The following MINAR2 variants were observed in gnomAD, a reference collection of about 807,000 sequenced individuals.
MINAR2 encodes major intrinsically disordered NOTCH2-binding receptor 1-like.
In MINAR2, 21 loss-of-function variants were observed where a neutral mutation model predicts 16.1. That is an observed-to-expected ratio of 1.31 (90% confidence interval 0.93 to 1.88). The LOEUF is 1.88. Among genes scored for constraint, MINAR2 ranks in the 40% most tolerant of loss-of-function variants. The pLI, the probability that MINAR2 is intolerant of heterozygous loss-of-function variation, is 0.00. For synonymous variants in MINAR2, 86 were observed against 83.0 expected (o/e 1.04, Z -0.20); for missense variants, 259 against 229.8 (o/e 1.13, Z -0.82).
chr5:129,763,729 G>A (rs981424821), intron 2 of MINAR2, among the ~76,000 whole-genome samples: 3 of 152,116 alleles, frequency 2.0e-5, no homozygotes, highest in Non-Finnish European at 4.4e-5. Context: ...TAGTACTAGG[G>A]TAATGGGAGA....
intron 2 of MINAR2, among the ~76,000 whole-genome samples, chr5:129,764,070 C>G (rs1022749871): frequency 6.6e-6 from 1 of 152,018 alleles, no homozygotes; most frequent in African/African-American, 2.4e-5. Flanking sequence ...CAAAACATAG[C>G]AAGAGATGTA....
chr5:129,764,903 G>C lies in MINAR2; in HGVS notation c.413G>C (p.Arg138Pro). The change falls in exon 3 of 3, where the codon CGG becomes CCG. Residue 138 changes from arginine (R) to proline (P), a missense_variant. Physicochemically the swap from Arg to Pro is moderately radical, Grantham distance 103 (BLOSUM62 -2). Transcript: ENST00000564719. ...GHLKENPNDLRFWLGDMYTPG... is the reference protein window; with the variant it reads ...GHLKENPNDLPFWLGDMYTPG... ...TTTTAGGAAAATCCTAATGACCTGCGGTTTTGGTTGGGAGACATGTACACT... is the reference window on the plus strand; with the variant it reads ...TTTTAGGAAAATCCTAATGACCTGCCGTTTTGGTTGGGAGACATGTACACT... 12 of 1,325,104 alleles carry C rather than the reference G, an allele frequency of 9.1e-6. No homozygotes were observed. The highest frequency in any genetic ancestry group is 1.2e-5 in the Non-Finnish European group (12 of 1,036,776). The allele number at this position is 1,325,104 out of a possible 1,614,324, so 82.1% of individuals were successfully genotyped here.
At position 129,765,085 on chromosome 5, in the gene MINAR2, T is replaced by C; in HGVS notation, c.*22T>C. The C allele has an allele frequency of 8.0e-7, 1 of 1,246,082 alleles. No homozygotes were observed. The highest frequency in any genetic ancestry group is 1.0e-6 in the Non-Finnish European group (1 of 992,914). The allele number at this position is 1,246,082 out of a possible 1,614,324, so 77.2% of individuals were successfully genotyped here. On this transcript the variant is annotated 3_prime_UTR_variant, in exon 3 of 3. Coordinates refer to ENST00000564719, the MANE Select transcript of MINAR2 (RefSeq NM_001257308.2). ...CTGAGGAAACTGCAACAATCAGAGC[T>C]ACTTTAAATTTCCTAAAAATTTTTC...
Position 129,750,449 on chromosome 5 carries a change from A to T in MINAR2, c.165+2094A>T, listed in dbSNP as rs4574583. On this transcript the variant is annotated intron_variant, in intron 1 of 2. Transcript: ENST00000564719. ...CAATGGGAAGAACATGGAATAAAGA[A>T]GTTAGAAACTTGGTTTCTTATCTCA... Among the ~76,000 whole-genome samples, 2 of 152,012 alleles carry T rather than the reference A, an allele frequency of 1.3e-5. 1 individual carries two copies. The highest frequency in any genetic ancestry group is 4.1e-4 in the South Asian group (2 of 4,828).
Position 129,766,125 on chromosome 5 carries a change from A to G in MINAR2, c.*1062A>G, listed in dbSNP as rs575884565. The G allele has an allele frequency of 3.3e-5, 5 of 152,344 alleles. No individual in the cohort carries two copies. The highest frequency in any genetic ancestry group is 1.2e-4 in the African/African-American group (5 of 41,580). The allele number at this position is 152,344 out of a possible 1,614,324, so 9.4% of individuals were successfully genotyped here. ...GGTTGTAGACACAGATGGGGAATCA[A>G]GTCACCATCCTGCCCTTCCTTCTAG... On this transcript the variant is annotated 3_prime_UTR_variant, in exon 3 of 3. Transcript: ENST00000564719.
intron 2 of MINAR2, 86 bp from the exon 3 acceptor site, chr5:129,764,798 G>T: frequency 1.5e-6 from 1 of 687,594 alleles, no homozygotes; most frequent in South Asian, 6.3e-5. Flanking sequence ...CAGTCCCCAT[G>T]ACAGTGTCTT....
At chr5:129,762,251 G>A (rs1168151970) in intron 2 of MINAR2, among the ~76,000 whole-genome samples, 1 of 151,876 alleles carries the variant, frequency 6.6e-6, no homozygotes, top group Admixed American at 6.6e-5. Context: ...TAACCCTGAA[G>A]CTAAAATAAA....
chr5:129,758,372 T>G (rs1378479860), intron 1 of MINAR2, among the ~76,000 whole-genome samples: 1 of 152,038 alleles, frequency 6.6e-6, no homozygotes, highest in Non-Finnish European at 1.5e-5. Flanking sequence ...ATAATAAATT[T>G]ATACTATTAA....
intron 2 of MINAR2, among the ~76,000 whole-genome samples, chr5:129,761,897 G>A (rs946607471): frequency 6.6e-6 from 1 of 151,976 alleles, no homozygotes; most frequent in African/African-American, 2.4e-5. Context: ...CAAGATAAAG[G>A]AAGCTAACGG....
At chr5:129,758,097 G>T (rs1758078887) in intron 1 of MINAR2, among the ~76,000 whole-genome samples, 3 of 151,872 alleles carry the variant, frequency 2.0e-5, no homozygotes, top group Non-Finnish European at 4.4e-5. Context: ...AATGAATAAA[G>T]TTATGCTTAA....
At chr5:129,762,601 A>T (rs1758151453) in intron 2 of MINAR2, 1 of 328,928 alleles carries the variant, frequency 3.0e-6, no homozygotes, top group Non-Finnish European at 6.1e-6. Context: ...TGCCAGCAGC[A>T]GCACAATCAG....
At chr5:129,757,686 C>T (rs1416214661) in intron 1 of MINAR2, among the ~76,000 whole-genome samples, 4 of 151,860 alleles carry the variant, frequency 2.6e-5, no homozygotes, top group Admixed American at 2.6e-4. Flanking sequence ...AGTAATATCT[C>T]TATCTCCTCA....
chr5:129,751,773 T>C (rs1370566920), intron 1 of MINAR2, among the ~76,000 whole-genome samples: 2 of 152,216 alleles, frequency 1.3e-5, no homozygotes, highest in Non-Finnish European at 2.9e-5. Flanking sequence ...GGGATGTTTC[T>C]GATGAAGGCA....
chr5:129,755,167 T>C (rs1758039325), intron 1 of MINAR2, among the ~76,000 whole-genome samples: 1 of 152,108 alleles, frequency 6.6e-6, no homozygotes. Flanking sequence ...ACCATCCTGT[T>C]GGTATAACAT....
rs1561687211 is a variant in MINAR2 at position 129,766,669 on chromosome 5, C to CAAACA, written c.*1609_*1610insCAAAA. The CAAACA allele has an allele frequency of 1.7e-5, 2 of 118,368 alleles. No homozygotes were observed. The highest frequency in any genetic ancestry group is 7.6e-5 in the African/African-American group (2 of 26,472). The allele number at this position is 118,368 out of a possible 1,614,324, so 7.3% of individuals were successfully genotyped here. A position where few individuals can be genotyped will look rare whatever the true frequency, so the allele number is the denominator to read the frequency against. On this transcript the variant is annotated 3_prime_UTR_variant, in exon 3 of 3. Coordinates refer to ENST00000564719, the MANE Select transcript of MINAR2 (RefSeq NM_001257308.2). ...AAAAAAAAAAAAACAAACAAACAAA[C>CAAACA]AAAAAAAACCCCAAAAAAAGAGACA...
In MINAR2 at chr5:129,766,653, AAAACAAACAAACAAAC is replaced by A. The variant is rs1228069828; in HGVS notation, c.*1594_*1609del. ...CTTCCATAAAAAAAAAAAAAAAAAA[AAAACAAACAAACAAAC>A]AAAAAAAACCCCAAAAAAAGAGACA... On this transcript the variant is annotated 3_prime_UTR_variant, in exon 3 of 3. Transcript: ENST00000564719. 1.6e-5 allele frequency: 2 copies of A among 124,952 alleles called. No individual in the cohort carries two copies. The highest frequency in any genetic ancestry group is 6.7e-5 in the African/African-American group (2 of 29,642). 7.7% of individuals were successfully genotyped at this position (124,952 alleles called of 1,614,324 possible).
In MINAR2 at chr5:129,765,343, A is replaced by G. The variant is rs957272027; in HGVS notation, c.*280A>G. Reference sequence around the variant, plus strand: ...AATCACAGAATAGTCACTATATGCAACCCACATTAAATATCTTTATAGGGA... The same window carrying G: ...AATCACAGAATAGTCACTATATGCAGCCCACATTAAATATCTTTATAGGGA... On this transcript the variant is annotated 3_prime_UTR_variant, in exon 3 of 3. Coordinates refer to ENST00000564719, the MANE Select transcript of MINAR2 (RefSeq NM_001257308.2). 1 of 292,554 alleles carries G rather than the reference A, an allele frequency of 3.4e-6. No individual in the cohort carries two copies. 18.1% of individuals were successfully genotyped at this position (292,554 alleles called of 1,614,324 possible).
At chr5:129,753,799 GAGAA>G (rs1370664315) in intron 1 of MINAR2, among the ~76,000 whole-genome samples, 3 of 141,556 alleles carry the variant, frequency 2.1e-5, no homozygotes, top group Non-Finnish European at 4.6e-5. Flanking sequence ...GAGAGAGACA[GAGAA>G]AGGAAGGAAG....
At chr5:129,753,023 C>T (rs1467308162) in intron 1 of MINAR2, among the ~76,000 whole-genome samples, 1 of 152,128 alleles carries the variant, frequency 6.6e-6, no homozygotes, top group Non-Finnish European at 1.5e-5. Context: ...CACCTTTCTG[C>T]ACTCTTTTTC....
Sources: allele counts gnomAD v4.1 joint callset (sites outside exome capture counted in the v4.1 genomes callset), GRCh38; gene constraint gnomAD v4.1.1; transcripts MANE v1.5; gene names NCBI Gene and HGNC (gene_info 2026-07-23, HGNC 2026-07-21).